Variants in ACTR3C observed in about 807,000 individuals in gnomAD.
ACTR3C encodes actin related protein 3C, also known as actin-related protein 3C.
A neutral mutation model predicts 26.3 loss-of-function variants in ACTR3C; 18 were observed. The observed-to-expected ratio is 0.68, with a 90% CI of 0.47 to 1.01. The LOEUF (loss-of-function observed/expected upper bound fraction) is 1.01, where lower values mean the gene tolerates loss of function less well. ACTR3C is among the 50% of genes least tolerant of loss of function. The pLI is 0.00. For synonymous variants in ACTR3C, 55 were observed against 94.5 expected, an observed-to-expected ratio of 0.58 and a Z score of 2.42; for missense variants, 184 against 250.7, an observed-to-expected ratio of 0.73 and a Z score of 1.80.
intron 1 of ACTR3C, among the ~76,000 whole-genome samples, chr7:150,311,636 C>T (rs1250622095): frequency 6.6e-6 from 1 of 152,222 alleles, no homozygotes; most frequent in Non-Finnish European, 1.5e-5. Flanking sequence ...CCCTAATACA[C>T]ATAGCATCTT....
At chr7:149,945,492 G>A in the ACTR3C span, among the ~76,000 whole-genome samples, 9 of 152,254 alleles carry the variant, frequency 5.9e-5, no homozygotes, top group East Asian at 5.8e-4. Flanking sequence ...GCTTACAAGC[G>A]CAGGAATGCA....
chr7:150,265,106 TA>T, intron 6 of ACTR3C, among the ~76,000 whole-genome samples: 1 of 152,230 alleles, frequency 6.6e-6, no homozygotes, highest in African/African-American at 2.4e-5. Context: ...AAGGCCAGTT[TA>T]CCCAGCCAAA....
At chr7:150,136,595 G>A in the ACTR3C span, among the ~76,000 whole-genome samples, 1 of 152,012 alleles carries the variant, frequency 6.6e-6, no homozygotes, top group Non-Finnish European at 1.5e-5. Flanking sequence ...ATTTGAGCCC[G>A]GGAGATGGAG....
chr7:150,038,163 T>C, the ACTR3C span, among the ~76,000 whole-genome samples: 1 of 142,726 alleles, frequency 7.0e-6, no homozygotes. Flanking sequence ...ATGGGGGGCC[T>C]TTATGTTCAG....
the ACTR3C span, among the ~76,000 whole-genome samples, chr7:150,036,395 G>T: frequency 2.0e-5 from 3 of 147,280 alleles, no homozygotes; most frequent in African/African-American, 7.4e-5. Flanking sequence ...CCACAGTTTG[G>T]GTTAAAAGTC....
the ACTR3C span, among the ~76,000 whole-genome samples, chr7:150,028,860 CT>C: frequency 2.0e-3 from 298 of 152,376 alleles, 1 homozygote; most frequent in Non-Finnish European, 2.9e-4. Context: ...GGTTACTTGT[CT>C]GCTATGAGCC....
chr7:149,999,623 C>T, the ACTR3C span, among the ~76,000 whole-genome samples: 13 of 151,584 alleles, frequency 8.6e-5, no homozygotes, highest in Non-Finnish European at 1.3e-4. Context: ...GTTCCAGGTA[C>T]ACCCAGGCTA....
intron 6 of ACTR3C, among the ~76,000 whole-genome samples, chr7:150,278,254 C>T (rs192153806): frequency 3.3e-4 from 50 of 152,360 alleles, no homozygotes; most frequent in Non-Finnish European, 5.6e-4. Context: ...TTCACTCCGA[C>T]CTGAGTTGAT....
the ACTR3C span, among the ~76,000 whole-genome samples, chr7:149,910,733 G>A: frequency 4.5e-3 from 688 of 151,694 alleles, 4 homozygotes; most frequent in Middle Eastern, 0.017. Context: ...TTTTTGATCC[G>A]GTAATATTTC....
the ACTR3C span, among the ~76,000 whole-genome samples, chr7:150,037,484 GCAAC>G: frequency 2.6e-5 from 1 of 38,896 alleles, no homozygotes; most frequent in Non-Finnish European, 5.7e-5. Context: ...GATGGGGGTA[GCAAC>G]AGCCGGGGGT....
the ACTR3C span, among the ~76,000 whole-genome samples, chr7:150,089,399 T>C: frequency 6.6e-6 from 1 of 152,130 alleles, no homozygotes; most frequent in East Asian, 1.9e-4. Context: ...TGCTAGAAAG[T>C]AGGACAGTCA....
chr7:150,176,086 T>C, the ACTR3C span, among the ~76,000 whole-genome samples: 244 of 150,808 alleles, frequency 1.6e-3, 25 homozygotes, highest in African/African-American at 5.7e-3. Context: ...AGAGTATCAA[T>C]GAAACCCCAA....
the ACTR3C span, among the ~76,000 whole-genome samples, chr7:149,932,252 T>C: frequency 1.3e-5 from 2 of 152,154 alleles, no homozygotes; most frequent in African/African-American, 4.8e-5. Context: ...AATGACTCCA[T>C]TTATATGACA....
At chr7:150,098,354 A>T in the ACTR3C span, among the ~76,000 whole-genome samples, 1 of 151,696 alleles carries the variant, frequency 6.6e-6, no homozygotes, top group Non-Finnish European at 1.5e-5. Context: ...AGTCATCTAC[A>T]AATTATATTA....
chr7:149,991,690 T>C, the ACTR3C span, among the ~76,000 whole-genome samples: 2 of 152,246 alleles, frequency 1.3e-5, no homozygotes, highest in Admixed American at 6.5e-5. Flanking sequence ...TTAGATTACG[T>C]GTCAGAGGGA....
chr7:149,963,914 A>T, the ACTR3C span, among the ~76,000 whole-genome samples: 1 of 152,214 alleles, frequency 6.6e-6, no homozygotes, highest in African/African-American at 2.4e-5. Context: ...ACTGCTAGTG[A>T]CAAAAGAGAC....
chr7:150,202,585 A>G, the ACTR3C span, among the ~76,000 whole-genome samples: 51 of 152,228 alleles, frequency 3.4e-4, no homozygotes, highest in Non-Finnish European at 6.2e-4. Context: ...CTGCAGCATC[A>G]TCATTAATAA....
At chr7:150,254,212 G>A (rs1160551942) in intron 6 of ACTR3C, among the ~76,000 whole-genome samples, 2 of 152,116 alleles carry the variant, frequency 1.3e-5, no homozygotes, top group Non-Finnish European at 1.5e-5. Context: ...AGAGTGATGT[G>A]CTTGGGCATG....
chr7:150,095,898 CA>C, the ACTR3C span, among the ~76,000 whole-genome samples: 4 of 149,356 alleles, frequency 2.7e-5, 1 homozygote, highest in African/African-American at 1.0e-4. Context: ...ATATAAACTA[CA>C]GTCACTGACA....
Sources: allele counts gnomAD v4.1 joint callset (sites outside exome capture counted in the v4.1 genomes callset), GRCh38; gene constraint gnomAD v4.1.1; transcripts MANE v1.5; gene names NCBI Gene and HGNC (gene_info 2026-07-23, HGNC 2026-07-21).